Variants in PTPRM observed in about 807,000 individuals in gnomAD.
PTPRM encodes the protein protein tyrosine phosphatase receptor type M, also known as receptor-type tyrosine-protein phosphatase mu.
In PTPRM, 47 loss-of-function variants were observed where a neutral mutation model predicts 186.7. That is an observed-to-expected ratio of 0.25 (90% CI 0.20 to 0.32). PTPRM has a LOEUF of 0.32. Ranked by LOEUF, PTPRM falls within the 10% of genes least tolerant of loss-of-function variation. The probability of loss-of-function intolerance (pLI) is 1.00; values close to 1 mark genes in which losing one functional copy is unlikely to be tolerated. For synonymous variants in PTPRM, 668 were observed against 674.9 expected, an observed-to-expected ratio of 0.99 and a Z score of 0.16; for missense variants, 1,494 against 1,865.0, an observed-to-expected ratio of 0.80 and a Z score of 3.66.
chr18:7,981,103 C>G (rs1334258492), intron 7 of PTPRM, among the ~76,000 whole-genome samples: 1 of 152,082 alleles, frequency 6.6e-6, no homozygotes, highest in Non-Finnish European at 1.5e-5. Context: ...TTATGAAGCA[C>G]CATGAAGGTA....
At position 7,822,633 on chromosome 18, in the gene PTPRM, G is replaced by A. The variant is rs112073906; in HGVS notation, c.196+48362G>A. ...GTTCTGCATTGTCATTTTTTAAGGC[G>A]AGCCAAGCATTCTCAAGTTGCTTTT... On this transcript the variant is annotated intron_variant, in intron 2 of 32. Transcript: ENST00000580170. Among the ~76,000 whole-genome samples, 898 of 152,232 alleles carry A rather than the reference G, an allele frequency of 5.9e-3. 10 individuals are homozygous for A. The highest frequency in any genetic ancestry group is 0.017 in the Middle Eastern group (5 of 294).
intron 4 of PTPRM, among the ~76,000 whole-genome samples, chr18:7,920,062 G>A (rs2050774368): frequency 6.6e-6 from 1 of 151,776 alleles, no homozygotes; most frequent in Non-Finnish European, 1.5e-5. Flanking sequence ...ACTTCACTTT[G>A]TCTTACCTAT....
intron 1 of PTPRM, among the ~76,000 whole-genome samples, chr18:7,715,642 A>G (rs1034529305): frequency 6.6e-6 from 1 of 152,216 alleles, no homozygotes; most frequent in Non-Finnish European, 1.5e-5. Flanking sequence ...TTAAGCTGAT[A>G]AGCAACTTCA....
At chr18:8,233,860 C>T (rs1218015515) in intron 14 of PTPRM, among the ~76,000 whole-genome samples, 2 of 152,146 alleles carry the variant, frequency 1.3e-5, no homozygotes, top group Non-Finnish European at 2.9e-5. Flanking sequence ...CATTTTTCTG[C>T]ATGTGGATGT....
intron 15 of PTPRM, among the ~76,000 whole-genome samples, chr18:8,246,930 G>C (rs1045671963): frequency 6.6e-6 from 1 of 152,114 alleles, no homozygotes; most frequent in East Asian, 1.9e-4. Flanking sequence ...AAATATAATG[G>C]TATAATTGTG....
chr18:8,090,072 C>T (rs532408332), intron 11 of PTPRM, among the ~76,000 whole-genome samples: 1 of 152,238 alleles, frequency 6.6e-6, no homozygotes, highest in African/African-American at 2.4e-5. Flanking sequence ...AGTGTTACTG[C>T]TACCTTTCGA....
chr18:7,715,029 C>A (rs1042753164), intron 1 of PTPRM, among the ~76,000 whole-genome samples: 2 of 152,158 alleles, frequency 1.3e-5, no homozygotes, highest in Admixed American at 6.5e-5. Flanking sequence ...CATCCTGATA[C>A]CAAAATCTGG....
Position 8,023,040 on chromosome 18 carries a change from C to G in PTPRM, c.1133-46646C>G, listed in dbSNP as rs114566239. The stretch of plus-strand genomic sequence containing the variant: ...ACCCGGTGGTTTACAAAGTCTTTGA[C>G]ATGGGAGCCAGAAGTCACAATGTAA... On this transcript the variant is annotated intron_variant, in intron 7 of 32. Transcript: ENST00000580170. 3.3e-3 allele frequency among the ~76,000 whole-genome samples: 497 copies of G among 152,168 alleles called. 4 individuals carry two copies. Among genetic ancestry groups the G allele is most frequent in the Middle Eastern group, 0.014 (4 of 292 alleles).
chr18:7,946,030 C>T (rs1463285376), intron 5 of PTPRM, among the ~76,000 whole-genome samples: 1 of 152,174 alleles, frequency 6.6e-6, no homozygotes, highest in African/African-American at 2.4e-5. Flanking sequence ...AAGGCTCATT[C>T]CTGAGCATTC....
intron 23 of PTPRM, among the ~76,000 whole-genome samples, chr18:8,352,402 T>C (rs751670526): frequency 1.3e-5 from 2 of 152,186 alleles, no homozygotes; most frequent in Non-Finnish European, 2.9e-5. Flanking sequence ...ACAGTGAACA[T>C]AGTCCCCAGT....
chr18:8,047,299 T>TA (rs933638660), intron 7 of PTPRM, among the ~76,000 whole-genome samples: 4 of 152,130 alleles, frequency 2.6e-5, no homozygotes, highest in South Asian at 4.1e-4. Flanking sequence ...TTGGTAGTAA[T>TA]AAAAAAAATT....
intron 7 of PTPRM, among the ~76,000 whole-genome samples, chr18:8,062,182 TC>T (rs2088587790): frequency 2.6e-5 from 1 of 39,056 alleles, no homozygotes; most frequent in Non-Finnish European, 5.0e-5. Flanking sequence ...TCTCTAAACT[TC>T]CCTTCTCGCT....
intron 7 of PTPRM, among the ~76,000 whole-genome samples, chr18:7,972,480 A>T (rs1280328033): frequency 1.2e-3 from 5 of 4,232 alleles, no homozygotes; most frequent in South Asian, 0.024. Flanking sequence ...AAAAAACATT[A>T]AAAAAAAAAA....
At chr18:8,163,158 G>A (rs1461909641) in intron 14 of PTPRM, among the ~76,000 whole-genome samples, 1 of 152,210 alleles carries the variant, frequency 6.6e-6, no homozygotes, top group Non-Finnish European at 1.5e-5. Flanking sequence ...ATTTTCTGCT[G>A]TCCTAATTGC....
chr18:8,365,309 C>T (rs58310038), intron 23 of PTPRM, among the ~76,000 whole-genome samples: 2,600 of 152,248 alleles, frequency 0.017, 79 homozygotes, highest in African/African-American at 0.059. Flanking sequence ...TTCCAGAGCA[C>T]GAGGAAATAC....
intron 7 of PTPRM, among the ~76,000 whole-genome samples, chr18:7,997,184 A>G (rs1171188573): frequency 2.6e-5 from 4 of 152,200 alleles, no homozygotes; most frequent in African/African-American, 9.6e-5. Context: ...TGCTGCATAA[A>G]AACAGACACA....
At chr18:8,195,509 T>C (rs1226022168) in intron 14 of PTPRM, among the ~76,000 whole-genome samples, 1 of 152,208 alleles carries the variant, frequency 6.6e-6, no homozygotes, top group African/African-American at 2.4e-5. Flanking sequence ...CAGTGGATGA[T>C]TGTATAAAGA....
chr18:7,809,834 A>G (rs2044418187), intron 2 of PTPRM, among the ~76,000 whole-genome samples: 1 of 152,174 alleles, frequency 6.6e-6, no homozygotes, highest in Non-Finnish European at 1.5e-5. Flanking sequence ...TAGACTAGGG[A>G]GGAAAGAATG....
chr18:7,622,728 A>G (rs1284507769), intron 1 of PTPRM, among the ~76,000 whole-genome samples: 1 of 152,144 alleles, frequency 6.6e-6, no homozygotes, highest in African/African-American at 2.4e-5. Flanking sequence ...TGCTGAAGTC[A>G]GTTTCAGCAT....
Sources: gnomAD v4.1 joint callset for allele counts (sites outside exome capture counted in the v4.1 genomes callset) on GRCh38, gnomAD v4.1.1 for gene constraint, MANE v1.5 for transcripts, NCBI Gene and HGNC (gene_info 2026-07-23, HGNC 2026-07-21) for gene names.